Variants in HERPUD1 observed in about 807,000 individuals in gnomAD.
HERPUD1 encodes homocysteine inducible ER protein with ubiquitin like domain 1.
HERPUD1 carries 17 observed loss-of-function variants against 45.0 expected under a neutral mutation model. The ratio of observed to expected loss-of-function variants is 0.38; its 90% CI spans 0.26 to 0.57. The LOEUF is 0.57. Among genes scored for constraint, HERPUD1 ranks in the 20% least tolerant of loss-of-function variants. The pLI is 0.72. For synonymous variants in HERPUD1, 164 were observed against 177.5 expected, an observed-to-expected ratio of 0.92 and a Z score of 0.61; for missense variants, 420 against 490.5, an observed-to-expected ratio of 0.86 and a Z score of 1.36.
intron 3 of HERPUD1, 76 bp from the exon 4 acceptor site, chr16:56,936,611 C>A: frequency 4.3e-6 from 6 of 1,399,084 alleles, no homozygotes; most frequent in Non-Finnish European, 4.7e-6. Flanking sequence ...CCCTTGACAG[C>A]AAAATAATTC....
chr16:56,935,715 G>A, intron 3 of HERPUD1: 2 of 531,656 alleles, frequency 3.8e-6, no homozygotes, highest in East Asian at 6.5e-5. Flanking sequence ...ACTATCTTAT[G>A]GGATATGATT....
At position 56,943,187 on chromosome 16, in the gene HERPUD1, A is replaced by G. The variant is rs1386078405; in HGVS notation, c.1073A>G (p.Asp358Gly). ...NHLPPDRDVL[D>G]GEQTSPSFMS... ...CTCCCTCCAGACAGGGATGTACTAGATGGCGAGCAGACCAGCCCCTCCTTT... is the reference window on the plus strand; with the variant it reads ...CTCCCTCCAGACAGGGATGTACTAGGTGGCGAGCAGACCAGCCCCTCCTTT... Residue 358 changes from aspartate (D) to glycine (G), a missense_variant, in exon 8 of 8, where the codon GAT becomes GGT. Asp to Gly is a moderately conservative substitution (Grantham distance 94, BLOSUM62 -1). Coordinates refer to ENST00000439977, the MANE Select transcript of HERPUD1 (RefSeq NM_014685.4). 2 of 1,614,040 alleles carry G rather than the reference A, an allele frequency of 1.2e-6. No individual in the cohort carries two copies. The highest frequency in any genetic ancestry group is 1.7e-6 in the Non-Finnish European group (2 of 1,180,020).
chr16:56,935,642 A>C (rs1789705142), intron 3 of HERPUD1, 167 bp downstream of exon 3: 1 of 632,134 alleles, frequency 1.6e-6, no homozygotes, highest in African/African-American at 1.8e-5. Flanking sequence ...ACACAAAGTG[A>C]TGAGTTAATA....
At chr16:56,942,522 A>G (rs2055918583) in intron 7 of HERPUD1, among the ~76,000 whole-genome samples, 1 of 152,186 alleles carries the variant, frequency 6.6e-6, no homozygotes, top group African/African-American at 2.4e-5. Context: ...AGTGTGTTAT[A>G]CCATAAGAAC....
chr16:56,942,666 C>T (rs1036955860), intron 7 of HERPUD1, among the ~76,000 whole-genome samples: 2 of 152,040 alleles, frequency 1.3e-5, no homozygotes, highest in Non-Finnish European at 2.9e-5. Context: ...ACCAGCCTGG[C>T]CAACATGGTG....
Position 56,932,274 on chromosome 16 carries a change from C to T in HERPUD1, c.30C>T (p.Val10=), listed in dbSNP as rs1409091584. The change falls in exon 1 of 8, where the codon GTC becomes GTT. Residue 10 remains valine (V), a synonymous_variant. Transcript: ENST00000439977. ...AGTCCGAGACCGAACCCGAGCCCGT[C>T]ACGCTCCTGGTGAAGAGCCCCAACC... MESETEPEP[V]TLLVKSPNQR... 1.1e-5 allele frequency: 17 copies of T among 1,609,238 alleles called. No individual in the cohort carries two copies. The highest frequency in any genetic ancestry group is 1.4e-5 in the Non-Finnish European group (17 of 1,179,444).
rs757448153 is a variant in HERPUD1 at position 56,935,491 on chromosome 16, C to T, written c.300+16C>T. On this transcript the variant is annotated intron_variant, in intron 3 of 7. Transcript: ENST00000439977. ...CAACGCCAAGGTGTGTCTGCCTCTT[C>T]ATGATGGTAACAATTTGTATCATTC... 2 of 1,604,442 alleles carry T rather than the reference C, an allele frequency of 1.2e-6. No individual in the cohort carries two copies. The highest frequency in any genetic ancestry group is 4.5e-5 in the East Asian group (2 of 44,838).
At chr16:56,943,057 A>G (rs2055923063) in intron 7 of HERPUD1, 69 bp from the exon 8 acceptor site, 2 of 1,491,066 alleles carry the variant, frequency 1.3e-6, no homozygotes, top group Non-Finnish European at 1.9e-6. Flanking sequence ...TCCTAACATT[A>G]TTTGGTGTTC....
intron 1 of HERPUD1, 61 bp downstream of exon 1, chr16:56,932,452 C>A: frequency 7.1e-7 from 1 of 1,399,000 alleles, no homozygotes. Context: ...GCTGGGGATG[C>A]CACGTCCGGC....
At position 56,935,679 on chromosome 16, in the gene HERPUD1, A is replaced by C; in HGVS notation, c.300+204A>C. 3 of 584,640 alleles carry C rather than the reference A, an allele frequency of 5.1e-6. 1 individual carries two copies. The South Asian group carries it at 6.0e-5, about 12-fold the overall frequency. The allele number at this position is 584,640 out of a possible 1,614,324, so 36.2% of individuals were successfully genotyped here. On this transcript the variant is annotated intron_variant, in intron 3 of 7. Transcript: ENST00000439977. ...TAGCAGATTGTTCCGTTAGTGCTGT[A>C]GTAGAAAGGTGGAGTTACATATTGC...
chr16:56,936,501 G>A (rs1000552613), intron 3 of HERPUD1, 186 bp from the exon 4 acceptor site: 6 of 392,042 alleles, frequency 1.5e-5, no homozygotes, highest in Non-Finnish European at 2.7e-5. Context: ...TAGCATCTAT[G>A]TATTGAAAAT....
At chr16:56,940,383 T>C in intron 6 of HERPUD1, 138 bp downstream of exon 6, 1 of 645,996 alleles carries the variant, frequency 1.5e-6, no homozygotes, top group Non-Finnish European at 2.7e-6. Flanking sequence ...GCACAATCAC[T>C]GCAATCTCCG....
chr16:56,935,568 C>T, intron 3 of HERPUD1, 93 bp downstream of exon 3: 1 of 1,027,926 alleles, frequency 9.7e-7, no homozygotes, highest in South Asian at 1.3e-5. Flanking sequence ...TATTGAGAGA[C>T]TGTATGGTGT....
At chr16:56,941,786 T>C (rs1194191316) in intron 6 of HERPUD1, 2 of 162,342 alleles carry the variant, frequency 1.2e-5, no homozygotes, top group Non-Finnish European at 2.7e-5. Flanking sequence ...TGTCATTATG[T>C]TATATATAAT....
At position 56,943,903 on chromosome 16, in the gene HERPUD1, G is replaced by T; in HGVS notation, c.*613G>T. On this transcript the variant is annotated 3_prime_UTR_variant, in exon 8 of 8. Coordinates refer to ENST00000439977, the MANE Select transcript of HERPUD1 (RefSeq NM_014685.4). Reference sequence around the variant, plus strand: ...CCTGGCAGAGACTCCTGTCATCCTAGCAGTTTACTCTGCGTTTGTTGTATC... The same window carrying T: ...CCTGGCAGAGACTCCTGTCATCCTATCAGTTTACTCTGCGTTTGTTGTATC... 1 of 190,268 alleles carries T rather than the reference G, an allele frequency of 5.3e-6. No homozygotes were observed. Among genetic ancestry groups the T allele is most frequent in the South Asian group, 1.6e-4 (1 of 6,384 alleles). 11.8% of individuals were successfully genotyped at this position (190,268 alleles called of 1,614,324 possible).
Position 56,943,753 on chromosome 16 carries a change from T to G in HERPUD1, c.*463T>G. On this transcript the variant is annotated 3_prime_UTR_variant, in exon 8 of 8. Transcript: ENST00000439977. ...GCTAGACATGTTTTAGCAGGACTTT[T>G]CTAGGAAAGACTTATGTATAATTGC... is the stretch of plus-strand genomic sequence containing the variant. 4.1e-6 allele frequency: 1 copy of G among 245,860 alleles called. No homozygotes were observed. The highest frequency in any genetic ancestry group is 8.2e-6 in the Non-Finnish European group (1 of 122,410). The allele number at this position is 245,860 out of a possible 1,614,324, so 15.2% of individuals were successfully genotyped here.
chr16:56,933,622 C>T (rs1225468323), intron 1 of HERPUD1, among the ~76,000 whole-genome samples: 8 of 152,168 alleles, frequency 5.3e-5, no homozygotes, highest in Non-Finnish European at 8.8e-5. Context: ...AAACAAATAC[C>T]TCTCAGGTAT....
intron 4 of HERPUD1, among the ~76,000 whole-genome samples, chr16:56,937,880 A>C (rs975852586): frequency 6.6e-6 from 1 of 151,986 alleles, no homozygotes; most frequent in African/African-American, 2.4e-5. Flanking sequence ...TATGGAATTT[A>C]GTTAAAAGAT....
chr16:56,938,572 A>G (rs2055884741), intron 4 of HERPUD1, among the ~76,000 whole-genome samples: 1 of 152,116 alleles, frequency 6.6e-6, no homozygotes, highest in South Asian at 2.1e-4. Context: ...CAAAAAAAAA[A>G]AAAAAGAAGC....
Sources: gnomAD v4.1 joint callset for allele counts (sites outside exome capture counted in the v4.1 genomes callset) on GRCh38, gnomAD v4.1.1 for gene constraint, MANE v1.5 for transcripts, NCBI Gene and HGNC (gene_info 2026-07-23, HGNC 2026-07-21) for gene names.